Variants in PRDM9 observed in about 807,000 individuals in gnomAD.
PRDM9 encodes the protein PR/SET domain 9.
PRDM9 carries 47 observed loss-of-function variants against 55.6 expected under a neutral mutation model. The ratio of observed to expected loss-of-function variants is 0.85; its 90% CI spans 0.67 to 1.08. The LOEUF (loss-of-function observed/expected upper bound fraction) is 1.08, where lower values mean the gene tolerates loss of function less well. Ranked by LOEUF, PRDM9 falls within the 50% of genes least tolerant of loss-of-function variation. The probability of loss-of-function intolerance (pLI) is 0.00; values close to 1 mark genes in which losing one functional copy is unlikely to be tolerated. For missense variants in PRDM9, 867 were observed against 1,040.3 expected, an observed-to-expected ratio of 0.83 and a Z score of 2.29; for synonymous variants, 312 against 375.7, an observed-to-expected ratio of 0.83 and a Z score of 1.96.
chr5:23,522,040 A>G (rs1471173916), intron 6 of PRDM9, among the ~76,000 whole-genome samples: 1 of 152,208 alleles, frequency 6.6e-6, no homozygotes, highest in Non-Finnish European at 1.5e-5. Flanking sequence ...CAAATGAATA[A>G]ATGCATGAAT....
At chr5:23,510,327 C>T (rs1286944875) in intron 4 of PRDM9, among the ~76,000 whole-genome samples, 8 of 151,808 alleles carry the variant, frequency 5.3e-5, no homozygotes, top group Non-Finnish European at 8.8e-5. Context: ...TTCCAAGGTG[C>T]TGGGATTACA....
chr5:23,517,786 CAAAAATAAAAAAT>C (rs1384373908), intron 4 of PRDM9, 82 bp from the exon 5 acceptor site: 74 of 1,305,916 alleles, frequency 5.7e-5, no homozygotes, highest in Admixed American at 4.6e-4. Flanking sequence ...GACTCCGTCT[CAAAAATAAAAAAT>C]AAAAATAAAA....
At chr5:23,518,052 A>G in intron 5 of PRDM9, 122 bp downstream of exon 5, 5 of 847,822 alleles carry the variant, frequency 5.9e-6, no homozygotes, top group Non-Finnish European at 1.0e-5. Context: ...TCTCTTTAGC[A>G]CAGTGTCTGA....
rs570195744 is a variant in PRDM9 at position 23,526,499 on chromosome 5, G to A, written c.1411G>A (p.Glu471Lys). Residue 471 changes from glutamate (E) to lysine (K), a missense_variant, in exon 11 of 11, where the codon GAG (glutamate) becomes AAG (lysine). Around this residue, in one of 5 missense-constraint regions of PRDM9, gnomAD observed 662 missense variants for 711.9 expected, o/e 0.93. Coordinates refer to ENST00000296682, the MANE Select transcript of PRDM9 (RefSeq NM_020227.4). ...KLLNKRTWQR[E>K]ISRAFSSPPK... is the part of the protein sequence containing the mutation. ...CTTGAATAAAAGGACATGGCAGAGG[G>A]AGATTTCAAGGGCCTTTTCTAGCCC... is the stretch of plus-strand genomic sequence containing the variant. 33 of 1,614,046 alleles carry A rather than the reference G, an allele frequency of 2.0e-5. No homozygotes were observed. In the African/African-American group the frequency reaches 4.3e-4, roughly 21 times the overall value.
intron 4 of PRDM9, among the ~76,000 whole-genome samples, chr5:23,515,297 C>T (rs1739189834): frequency 6.6e-6 from 1 of 151,978 alleles, no homozygotes; most frequent in South Asian, 2.1e-4. Context: ...TTTTTTGAGT[C>T]AGAGGTCTCA....
chr5:23,522,834 G>C lies in PRDM9; in HGVS notation c.831G>C (p.Glu277Asp). ...TGGGTCTGCACTTTGGCCCTTATGA[G>C]GGCCGAATTACAGAAGACGAAGAGG... ...LPLGLHFGPY[E>D]GRITEDEEAA... The change falls in exon 8 of 11, where the codon GAG becomes GAC. Residue 277 changes from glutamate (E) to aspartate (D), a missense_variant. Transcript: ENST00000296682. The C allele has an allele frequency of 6.2e-7, 1 of 1,614,238 alleles. No individual in the cohort carries two copies. Among genetic ancestry groups the C allele is most frequent in the Non-Finnish European group, 8.5e-7 (1 of 1,180,050 alleles).
At chr5:23,513,519 T>C (rs1371744459) in intron 4 of PRDM9, among the ~76,000 whole-genome samples, 3 of 152,096 alleles carry the variant, frequency 2.0e-5, no homozygotes, top group Non-Finnish European at 2.9e-5. Flanking sequence ...CCTTGCAAGA[T>C]GCCAGGGCCA....
chr5:23,523,971 A>C (rs1158252741), intron 9 of PRDM9, among the ~76,000 whole-genome samples: 1 of 152,218 alleles, frequency 6.6e-6, no homozygotes, highest in Non-Finnish European at 1.5e-5. Flanking sequence ...AGCAGAGTAC[A>C]TGATCAAGCA....
intron 5 of PRDM9, among the ~76,000 whole-genome samples, chr5:23,519,763 G>T (rs577589609): frequency 6.6e-6 from 1 of 151,860 alleles, no homozygotes; most frequent in African/African-American, 2.4e-5. Flanking sequence ...AAGAATTAGC[G>T]CCAGGGGCAG....
rs1190022873 is a variant in PRDM9, at chr5:23,524,533, C to T, written c.1144+6C>T. On this transcript the variant is annotated splice_donor_region_variant and intron_variant, in intron 10 of 10. Transcript: ENST00000296682. ...AGAGCTCATGGCAGGGAGAGGTAGG[C>T]ATCACTATTACTCTTTTAAAAGGAC... The T allele has an allele frequency of 5.0e-6, 8 of 1,613,524 alleles. No homozygotes were observed. Among genetic ancestry groups the T allele is most frequent in the Non-Finnish European group, 6.8e-6 (8 of 1,179,684 alleles).
chr5:23,509,860 T>C, intron 3 of PRDM9, 60 bp from the exon 4 acceptor site: 3 of 1,577,238 alleles, frequency 1.9e-6, no homozygotes, highest in Non-Finnish European at 1.7e-6. Flanking sequence ...CCATTGCCAC[T>C]GCCCTTTGTT....
chr5:23,518,028 C>T (rs1324360659), intron 5 of PRDM9, 98 bp downstream of exon 5: 3 of 1,098,604 alleles, frequency 2.7e-6, no homozygotes, highest in Non-Finnish European at 4.2e-6. Context: ...GGAACTAATG[C>T]CTTCTTTTCC....
At chr5:23,525,192 G>A (rs1739407672) in intron 10 of PRDM9, among the ~76,000 whole-genome samples, 1 of 152,244 alleles carries the variant, frequency 6.6e-6, no homozygotes, top group African/African-American at 2.4e-5. Context: ...GCAAGTGCCT[G>A]TGGGCCAAGG....
intron 4 of PRDM9, among the ~76,000 whole-genome samples, chr5:23,512,273 A>C (rs1015961023): frequency 6.6e-6 from 1 of 152,168 alleles, no homozygotes; most frequent in Non-Finnish European, 1.5e-5. Flanking sequence ...CTGACCAGAG[A>C]CAGCATCAGG....
chr5:23,508,574 C>T (rs1241287168), intron 1 of PRDM9, among the ~76,000 whole-genome samples: 1 of 152,134 alleles, frequency 6.6e-6, no homozygotes, highest in Non-Finnish European at 1.5e-5. Flanking sequence ...CAGAACTCTG[C>T]CCCTCAGTCT....
In PRDM9 at chr5:23,528,045, G is replaced by GT. The variant is rs545052267; in HGVS notation, c.*279dup. 324 of 561,388 alleles carry GT rather than the reference G, an allele frequency of 5.8e-4. No homozygotes were observed. Among genetic ancestry groups the GT allele is most frequent in the Non-Finnish European group, 8.1e-4 (257 of 318,432 alleles). The allele number at this position is 561,388 out of a possible 1,614,324, so 34.8% of individuals were successfully genotyped here. On this transcript the variant is annotated 3_prime_UTR_variant, in exon 11 of 11. Coordinates refer to ENST00000296682, the MANE Select transcript of PRDM9 (RefSeq NM_020227.4). ...CACTGATCCCCTCCATTTTTTGTTTGTTTTTTTGCCTCCTGTTCTAATAAA... is the reference window on the plus strand; with the variant it reads ...CACTGATCCCCTCCATTTTTTGTTTGTTTTTTTTGCCTCCTGTTCTAATAAA...
rs146505774 is a variant in PRDM9 at position 23,527,450 on chromosome 5, A to G, written c.2362A>G (p.Lys788Glu). The G allele has an allele frequency of 0.012, 19,052 of 1,526,234 alleles. 294 individuals carry two copies. Among genetic ancestry groups the G allele is most frequent in the Middle Eastern group, 0.016 (92 of 5,790 alleles). The allele number at this position is 1,526,234 out of a possible 1,614,324, so 94.5% of individuals were successfully genotyped here. Residue 788 changes from lysine to glutamate, a missense_variant, in exon 11 of 11, where the codon AAG (lysine) becomes GAG (glutamate). Physicochemically the swap from Lys to Glu is moderately conservative, Grantham distance 56. Around this residue, in one of 5 missense-constraint regions of PRDM9, gnomAD observed 92 missense variants for 185.7 expected, o/e 0.50. Transcript: ENST00000296682. Reference protein sequence around the residue: ...CRECGRGFRDKSNLLSHQRTH... With the variant: ...CRECGRGFRDESNLLSHQRTH... ...GGAGTGTGGGCGGGGCTTTAGAGAT[A>G]AGTCAAACCTCCTCAGTCACCAGAG...
At chr5:23,509,385 G>A in intron 2 of PRDM9, 85 bp from the exon 3 acceptor site, 4 of 1,604,540 alleles carry the variant, frequency 2.5e-6, no homozygotes, top group Non-Finnish European at 3.4e-6. Context: ...GAGGCCCCAG[G>A]CTATGTCCTA....
chr5:23,523,917 A>G (rs2126430318), intron 9 of PRDM9, among the ~76,000 whole-genome samples: 1 of 152,318 alleles, frequency 6.6e-6, no homozygotes, highest in South Asian at 2.1e-4. Flanking sequence ...TGTCAAAGAA[A>G]GATGGACTTG....
Sources: allele counts gnomAD v4.1 joint callset (sites outside exome capture counted in the v4.1 genomes callset), GRCh38; gene constraint gnomAD v4.1.1; regional missense constraint gnomAD v4.1.1; transcripts MANE v1.5; gene names NCBI Gene and HGNC (gene_info 2026-07-23, HGNC 2026-07-21).